Variants in SV2C observed in about 807,000 individuals in gnomAD.
SV2C encodes synaptic vesicle glycoprotein 2C, also known as solute carrier family 22 member B3.
A neutral mutation model predicts 79.7 loss-of-function variants in SV2C; 49 were observed. The observed-to-expected ratio is 0.61, with a 90% confidence interval of 0.49 to 0.78. The LOEUF (loss-of-function observed/expected upper bound fraction) is 0.78. Ranked by LOEUF, SV2C falls within the 30% of genes least tolerant of loss-of-function variation. SV2C has a pLI of 0.00. For missense variants in SV2C, 833 were observed against 912.9 expected, an observed-to-expected ratio of 0.91 and a Z score of 1.13; for synonymous variants, 334 against 333.2, an observed-to-expected ratio of 1.00 and a Z score of -0.03.
the SV2C span, among the ~76,000 whole-genome samples, chr5:75,951,314 G>C: frequency 1.2e-4 from 19 of 152,118 alleles, no homozygotes; most frequent in African/African-American, 4.6e-4. Context: ...ATTTTTGGTG[G>C]TGAGCCAGCT....
At chr5:76,168,470 A>T (rs2112263967) in intron 2 of SV2C, among the ~76,000 whole-genome samples, 1 of 152,216 alleles carries the variant, frequency 6.6e-6, no homozygotes, top group Non-Finnish European at 1.5e-5. Flanking sequence ...AGGTTGGCCA[A>T]AAACAGTAGC....
chr5:75,964,787 A>G, the SV2C span, among the ~76,000 whole-genome samples: 1 of 152,102 alleles, frequency 6.6e-6, no homozygotes, highest in Non-Finnish European at 1.5e-5. Flanking sequence ...TTCCTTCTTT[A>G]TTCTTTTACT....
chr5:76,340,945 T>TTC (rs397933765), intron 12 of SV2C, among the ~76,000 whole-genome samples: 4 of 149,514 alleles, frequency 2.7e-5, no homozygotes, highest in Non-Finnish European at 5.9e-5. Context: ...TTTTTTTTTT[T>TTC]CCGAGATGGA....
At chr5:76,171,689 C>T (rs1743267357) in intron 2 of SV2C, among the ~76,000 whole-genome samples, 1 of 140,988 alleles carries the variant, frequency 7.1e-6, no homozygotes, top group Admixed American at 7.2e-5. Context: ...CCCGGCCAGC[C>T]GTGCCGTCCG....
chr5:76,349,681 T>C lies in SV2C; in HGVS notation c.2001-3449T>C, dbSNP rs369154665. ...ATTTTTAGCCTTCATTTTTTTTTTTTTTTTTTGAAGCAAAGTCTCACTTTG... is the reference window on the plus strand; with the variant it reads ...ATTTTTAGCCTTCATTTTTTTTTTTCTTTTTTGAAGCAAAGTCTCACTTTG... On this transcript the variant is annotated intron_variant, in intron 12 of 12. Transcript: ENST00000322285. Among the ~76,000 whole-genome samples, 9 of 151,888 alleles carry C rather than the reference T, an allele frequency of 5.9e-5. No homozygotes were observed. In the East Asian group the frequency reaches 1.2e-3, roughly 20 times the overall value.
chr5:75,984,567 A>ATATCTATCTATCTATCTATCTATC, the SV2C span, among the ~76,000 whole-genome samples: 17 of 102,922 alleles, frequency 1.7e-4, no homozygotes, highest in Non-Finnish European at 2.4e-4. Context: ...CTATCTATCT[A>ATATCTATCTATCTATCTATCTATC]TATCTATCTA....
At chr5:75,914,026 C>G in the SV2C span, among the ~76,000 whole-genome samples, 4 of 152,164 alleles carry the variant, frequency 2.6e-5, no homozygotes, top group East Asian at 7.7e-4. Flanking sequence ...CATTTATTCA[C>G]CCATTTGCCA....
At chr5:76,294,552 G>A (rs905739114) in intron 8 of SV2C, among the ~76,000 whole-genome samples, 5 of 151,918 alleles carry the variant, frequency 3.3e-5, no homozygotes, top group South Asian at 2.1e-4. Context: ...TGCCTGCCTC[G>A]GCCTCCCAAA....
chr5:76,217,231 T>C (rs1025813402), intron 4 of SV2C, among the ~76,000 whole-genome samples: 1 of 152,156 alleles, frequency 6.6e-6, no homozygotes, highest in Admixed American at 6.5e-5. Flanking sequence ...TGATGCGATG[T>C]CCAGGCTTAA....
chr5:76,315,841 C>T (rs1418713325), intron 12 of SV2C, among the ~76,000 whole-genome samples: 2 of 152,160 alleles, frequency 1.3e-5, no homozygotes, highest in Non-Finnish European at 2.9e-5. Context: ...CTCTCTCTCT[C>T]CTCTCCAGTG....
the SV2C span, among the ~76,000 whole-genome samples, chr5:75,945,628 A>G: frequency 6.6e-6 from 1 of 152,050 alleles, no homozygotes; most frequent in Non-Finnish European, 1.5e-5. Context: ...CAAAATATAC[A>G]TTATTTTTAA....
the SV2C span, among the ~76,000 whole-genome samples, chr5:76,060,946 A>AT: frequency 2.0e-5 from 3 of 151,930 alleles, no homozygotes; most frequent in Non-Finnish European, 4.4e-5. Flanking sequence ...TAATTTCAAT[A>AT]TTTTCATGTC....
chr5:76,022,711 G>A, the SV2C span, among the ~76,000 whole-genome samples: 2 of 152,130 alleles, frequency 1.3e-5, no homozygotes, highest in South Asian at 4.1e-4. Context: ...TGTTAATTTG[G>A]TCGATAGACA....
the SV2C span, among the ~76,000 whole-genome samples, chr5:75,938,475 T>G: frequency 6.6e-6 from 1 of 152,222 alleles, no homozygotes; most frequent in Non-Finnish European, 1.5e-5. Flanking sequence ...GCAATGGGGT[T>G]TTACAAACAC....
At chr5:76,265,663 G>C (rs1746628854) in intron 4 of SV2C, among the ~76,000 whole-genome samples, 1 of 152,152 alleles carries the variant, frequency 6.6e-6, no homozygotes, top group Non-Finnish European at 1.5e-5. Context: ...GAAAAGCGTA[G>C]TATCTGGGCT....
At chr5:75,911,415 TA>T in the SV2C span, 1 of 1,059,986 alleles carries the variant, frequency 9.4e-7, no homozygotes, top group South Asian at 1.5e-5. Context: ...CAGCACCCCC[TA>T]GTAGGCCTCC....
intron 1 of SV2C, among the ~76,000 whole-genome samples, chr5:76,115,195 A>C (rs73764474): frequency 0.038 from 5,850 of 152,338 alleles, 367 homozygotes; most frequent in African/African-American, 0.13. Context: ...CTGAGGTAGT[A>C]TATGGATGGC....
Position 76,150,626 on chromosome 5 carries a change from C to CTTTTTTTTT in SV2C, c.580+18317_580+18325dup, listed in dbSNP as rs57910684. 1.9e-4 allele frequency among the ~76,000 whole-genome samples: 11 copies of CTTTTTTTTT among 56,494 alleles called. 2 individuals are homozygous for CTTTTTTTTT. Among genetic ancestry groups the CTTTTTTTTT allele is most frequent in the East Asian group, 6.5e-4 (1 of 1,550 alleles). The allele number at this position is 56,494 out of a possible 152,430, so 37.1% of individuals were successfully genotyped here. On this transcript the variant is annotated intron_variant, in intron 2 of 12. Transcript: ENST00000502798. ...TATTCGTCTGTTTATTCATCAAATT[C>CTTTTTTTTT]TTTTTTTTTTTTTTTTTTTTTTTTT...
intron 4 of SV2C, among the ~76,000 whole-genome samples, chr5:76,272,907 T>C (rs1746915340): frequency 6.6e-6 from 1 of 151,942 alleles, no homozygotes; most frequent in Non-Finnish European, 1.5e-5. Flanking sequence ...TATATATAAA[T>C]ACAAAAGTAT....
Sources: gnomAD v4.1 joint callset for allele counts (sites outside exome capture counted in the v4.1 genomes callset) on GRCh38, gnomAD v4.1.1 for gene constraint, MANE v1.5 for transcripts, NCBI Gene and HGNC (gene_info 2026-07-23, HGNC 2026-07-21) for gene names.